The following CYFIP2 variants were observed in gnomAD, a reference collection of about 807,000 sequenced individuals.
CYFIP2 encodes cytoplasmic FMR1 interacting protein 2.
Under a neutral mutation model 158.7 loss-of-function variants are expected in CYFIP2, and 29 were observed. The ratio of observed to expected loss-of-function variants is 0.18; its 90% CI spans 0.14 to 0.25. The LOEUF is 0.25. Among genes scored for constraint, CYFIP2 ranks in the 10% least tolerant of loss-of-function variants. CYFIP2 has a pLI of 1.00. For synonymous variants in CYFIP2, 585 were observed against 617.6 expected (o/e 0.95, Z 0.78); for missense variants, 852 against 1,639.5 (o/e 0.52, Z 8.29).
intron 23 of CYFIP2, among the ~76,000 whole-genome samples, chr5:157,344,497 G>T (rs1413372935): frequency 6.6e-6 from 1 of 152,162 alleles, no homozygotes; most frequent in African/African-American, 2.4e-5. Context: ...GCAAAATGAG[G>T]TGCCAGGACT....
chr5:157,363,883 T>C (rs947910798), intron 26 of CYFIP2: 1 of 152,172 alleles, frequency 6.6e-6, no homozygotes, highest in Non-Finnish European at 1.5e-5. Context: ...TTGCCTCTAA[T>C]TGTCTTTGTG....
chr5:157,384,661 C>T (rs1447603116), intron 28 of CYFIP2: 4 of 382,852 alleles, frequency 1.0e-5, no homozygotes, highest in East Asian at 7.3e-5. Flanking sequence ...ATCATGGGGC[C>T]GGGCGCGGTG....
chr5:157,380,713 T>C (rs1765965883), intron 26 of CYFIP2, among the ~76,000 whole-genome samples: 1 of 152,150 alleles, frequency 6.6e-6, no homozygotes, highest in South Asian at 2.1e-4. Flanking sequence ...TATAATCAAG[T>C]GGGTTTATTT....
intron 8 of CYFIP2, among the ~76,000 whole-genome samples, chr5:157,305,575 A>G (rs1759146773): frequency 6.6e-6 from 1 of 152,232 alleles, no homozygotes. Context: ...CAGTGGCACA[A>G]TCATGGTTCA....
chr5:157,291,910 AT>A (rs1329009849), intron 3 of CYFIP2, among the ~76,000 whole-genome samples: 1 of 151,424 alleles, frequency 6.6e-6, no homozygotes, highest in East Asian at 1.9e-4. Context: ...TTCTTTGGTG[AT>A]TTTTTTTTCA....
Position 157,319,874 on chromosome 5 carries a change from C to A in CYFIP2, c.1469C>A (p.Thr490Lys). 1 of 1,614,058 alleles carries A rather than the reference C, an allele frequency of 6.2e-7. No individual in the cohort carries two copies. The highest frequency in any genetic ancestry group is 8.5e-7 in the Non-Finnish European group (1 of 1,179,902). ...GCATTGCAGGACTTCGCCCAGGTGA[C>A]GCTGCGTGAGCCCCTGCGGCAGGCG... ...YAALQDFAQVTLREPLRQAVR... is the reference protein window; with the variant it reads ...YAALQDFAQVKLREPLRQAVR... Residue 490 changes from threonine (T) to lysine (K), a missense_variant, in exon 14 of 31, where the codon ACG (threonine) becomes AAG (lysine). By Grantham distance (78) the Thr-to-Lys change is moderately conservative. Transcript: ENST00000620254.
At position 157,338,688 on chromosome 5, in the gene CYFIP2, G is replaced by A. The variant is rs373965755; in HGVS notation, c.2386-369G>A. On this transcript the variant is annotated intron_variant, in intron 21 of 30. Transcript: ENST00000620254. ...CCTAATAGTAAACCCTTAATTAGTG[G>A]TAGCTCTTAGTATTGCTTTTTTCTC... 2.8e-4 allele frequency among the ~76,000 whole-genome samples: 42 copies of A among 152,316 alleles called. No individual in the cohort carries two copies. In the South Asian group the frequency reaches 8.5e-3, roughly 31 times the overall value.
chr5:157,389,473 G>C (rs1283077978), intron 29 of CYFIP2, 46 bp downstream of exon 29: 1 of 1,475,640 alleles, frequency 6.8e-7, no homozygotes, highest in East Asian at 2.4e-5. Flanking sequence ...ACCTGCCTGT[G>C]CTCCTGCAAG....
intron 15 of CYFIP2, among the ~76,000 whole-genome samples, chr5:157,322,672 G>A (rs1161802482): frequency 1.3e-5 from 2 of 152,218 alleles, no homozygotes; most frequent in African/African-American, 4.8e-5. Flanking sequence ...GGCAGGGATG[G>A]TGGGTCACAC....
intron 23 of CYFIP2, chr5:157,342,902 C>G (rs200489390): frequency 1.2e-6 from 2 of 1,613,142 alleles, no homozygotes; most frequent in South Asian, 1.1e-5. Flanking sequence ...TGGGTCACCA[C>G]CCCCCCTCTG....
At chr5:157,291,137 T>G (rs1757786230) in intron 3 of CYFIP2, among the ~76,000 whole-genome samples, 1 of 152,184 alleles carries the variant, frequency 6.6e-6, no homozygotes, top group Admixed American at 6.5e-5. Flanking sequence ...AAAACACCAG[T>G]GCCCCACCCC....
chr5:157,285,354 C>A lies in CYFIP2; in HGVS notation c.-8C>A. 1 of 1,557,934 alleles carries A rather than the reference C, an allele frequency of 6.4e-7. No individual in the cohort carries two copies. Among genetic ancestry groups the A allele is most frequent in the Non-Finnish European group, 8.7e-7 (1 of 1,150,414 alleles). ...TTCCCTTCAGTGCAGAATACAGAAA[C>A]TGCAGCCATGACCACGCACGTCACC... On this transcript the variant is annotated 5_prime_UTR_variant, in exon 2 of 31. It adds an upstream start codon to the 5' untranslated region. Coordinates refer to ENST00000620254, the MANE Select transcript of CYFIP2 (RefSeq NM_001037333.3).
chr5:157,324,159 C>T, intron 16 of CYFIP2, 85 bp downstream of exon 16: 1 of 1,461,510 alleles, frequency 6.8e-7, no homozygotes, highest in African/African-American at 1.4e-5. Context: ...CCAGGCATTG[C>T]AAAGGGACGT....
intron 19 of CYFIP2, among the ~76,000 whole-genome samples, chr5:157,329,816 CAG>C (rs1248374941): frequency 6.6e-6 from 1 of 152,184 alleles, no homozygotes; most frequent in African/African-American, 2.4e-5. Context: ...CTACTTTGGA[CAG>C]TGTAAATATA....
At chr5:157,323,731 G>A (rs1174674099) in intron 15 of CYFIP2, among the ~76,000 whole-genome samples, 190 bp from the exon 16 acceptor site, 1 of 152,184 alleles carries the variant, frequency 6.6e-6, no homozygotes, top group Non-Finnish European at 1.5e-5. Flanking sequence ...CGGGGCCCGG[G>A]TTGGCCATGA....
intron 13 of CYFIP2, 136 bp from the exon 14 acceptor site, chr5:157,319,626 G>A (rs554778771): frequency 4.9e-5 from 50 of 1,013,120 alleles, no homozygotes; most frequent in Middle Eastern, 3.2e-4. Flanking sequence ...CTAGCCATGC[G>A]CTGGCACTTT....
At chr5:157,351,948 C>T (rs933158663) in intron 23 of CYFIP2, among the ~76,000 whole-genome samples, 20 of 152,178 alleles carry the variant, frequency 1.3e-4, no homozygotes, top group Admixed American at 1.3e-3. Context: ...CTGAACAGGC[C>T]CTACTCTGGA....
chr5:157,324,399 G>A (rs993028817), intron 16 of CYFIP2, among the ~76,000 whole-genome samples: 5 of 152,248 alleles, frequency 3.3e-5, no homozygotes, highest in Middle Eastern at 6.8e-3. Context: ...CTACTCAGCC[G>A]CAACCAAGCG....
chr5:157,343,539 C>T (rs760340248), intron 23 of CYFIP2: 3 of 1,543,756 alleles, frequency 1.9e-6, no homozygotes, highest in East Asian at 2.3e-5. Context: ...ATGTTCATCC[C>T]GATTCTGGAA....
Sources: allele counts gnomAD v4.1 joint callset (sites outside exome capture counted in the v4.1 genomes callset), GRCh38; gene constraint gnomAD v4.1.1; transcripts MANE v1.5; gene names NCBI Gene and HGNC (gene_info 2026-07-23, HGNC 2026-07-21).